Variants in CREBBP observed in about 807,000 individuals in gnomAD.
CREBBP encodes CREB-binding protein.
In CREBBP, 19 loss-of-function variants were observed where a neutral mutation model predicts 265.0. The observed-to-expected ratio is 0.07, with a 90% CI of 0.05 to 0.11. The LOEUF is 0.11. CREBBP is among the 10% of genes least tolerant of loss of function. The pLI is 1.00. For missense variants in CREBBP, 2,525 were observed against 3,219.0 expected (o/e 0.78, Z 5.22); for synonymous variants, 1,457 against 1,223.7 (o/e 1.19, Z -3.98).
chr16:3,732,592 G>A (rs2051946109), intron 28 of CREBBP, among the ~76,000 whole-genome samples: 1 of 152,058 alleles, frequency 6.6e-6, no homozygotes, highest in Non-Finnish European at 1.5e-5. Context: ...ACGGAGTTTT[G>A]CTCTTGTTGC....
At chr16:3,833,331 G>A (rs537930709) in intron 2 of CREBBP, among the ~76,000 whole-genome samples, 51 of 152,358 alleles carry the variant, frequency 3.3e-4, no homozygotes, top group Middle Eastern at 6.8e-3. Flanking sequence ...AGAATCGCTT[G>A]AGCCCCAGAG....
chr16:3,784,725 A>G (rs949166977), intron 5 of CREBBP, among the ~76,000 whole-genome samples: 8 of 152,292 alleles, frequency 5.3e-5, no homozygotes, highest in Non-Finnish European at 2.9e-5. Context: ...ACTTCTTCCT[A>G]CTACATTTCT....
At chr16:3,819,456 T>C (rs2054101636) in intron 2 of CREBBP, among the ~76,000 whole-genome samples, 1 of 152,234 alleles carries the variant, frequency 6.6e-6, no homozygotes, top group Non-Finnish European at 1.5e-5. Flanking sequence ...ATTTCTTTCC[T>C]GACCATGCTT....
rs573110713 is a variant in CREBBP, at chr16:3,745,563, C to T, written c.3837-209G>A. The T allele has an allele frequency of 1.2e-5, 7 of 592,934 alleles. No homozygotes were observed. The East Asian group carries it at 1.7e-4, about 15-fold the overall frequency. 36.7% of individuals were successfully genotyped at this position (592,934 alleles called of 1,614,324 possible). A position where few individuals can be genotyped will look rare whatever the true frequency, so the allele number is the denominator to read the frequency against. ...AAAAAGCTTTCTTCTTTTGTTTGTA[C>T]AAGCGCTTCATTCCTCTTTTCTCCC... is the stretch of plus-strand genomic sequence containing the variant. On this transcript the variant is annotated intron_variant, in intron 21 of 30. Coordinates refer to ENST00000262367, the MANE Select transcript of CREBBP (RefSeq NM_004380.3).
At chr16:3,858,992 T>G (rs1390045667) in intron 1 of CREBBP, among the ~76,000 whole-genome samples, 1 of 152,212 alleles carries the variant, frequency 6.6e-6, no homozygotes, top group East Asian at 1.9e-4. Context: ...ATATTTTCTC[T>G]TCCTCACCCA....
At chr16:3,771,109 C>T (rs1042513145) in intron 13 of CREBBP, 123 bp from the exon 14 acceptor site, 4 of 1,043,726 alleles carry the variant, frequency 3.8e-6, no homozygotes, top group African/African-American at 1.6e-5. Flanking sequence ...ACTCTTGTCG[C>T]CCAGGCTGCA....
chr16:3,750,766 A>G (rs2052454292), intron 20 of CREBBP, among the ~76,000 whole-genome samples: 1 of 152,236 alleles, frequency 6.6e-6, no homozygotes, highest in Non-Finnish European at 1.5e-5. Flanking sequence ...CTTTAGGCCA[A>G]AAAATGGGGT....
chr16:3,774,496 G>A (rs1193950908), intron 12 of CREBBP, 73 bp downstream of exon 12: 10 of 1,599,204 alleles, frequency 6.3e-6, no homozygotes, highest in East Asian at 2.2e-5. Context: ...CAAGTGACAT[G>A]AATTCTGCTG....
chr16:3,811,486 G>A (rs943080336), intron 2 of CREBBP, among the ~76,000 whole-genome samples: 1 of 152,014 alleles, frequency 6.6e-6, no homozygotes, highest in Non-Finnish European at 1.5e-5. Context: ...TTTTCCTTAT[G>A]GTTTTATTTA....
rs561418138 is a variant in CREBBP at position 3,748,364 on chromosome 16, A to G, written c.3836+1263T>C. On this transcript the variant is annotated intron_variant, in intron 21 of 30. Coordinates refer to ENST00000262367, the MANE Select transcript of CREBBP (RefSeq NM_004380.3). ...GAGAGAAAGACACAATGTGAAAAGA[A>G]AGGTGGAAAGTCAGGAAAAACAATC... is the stretch of plus-strand genomic sequence containing the variant. 2.0e-5 allele frequency among the ~76,000 whole-genome samples: 3 copies of G among 152,342 alleles called. No individual in the cohort carries two copies. The South Asian group carries it at 6.2e-4, about 32-fold the overall frequency.
chr16:3,791,905 T>C (rs951080084), intron 5 of CREBBP, 76 bp downstream of exon 5: 15 of 1,283,642 alleles, frequency 1.2e-5, no homozygotes, highest in Non-Finnish European at 1.6e-5. Context: ...GCCCACTCCC[T>C]ACCTACTCTC....
At chr16:3,799,978 G>C (rs1001183210) in intron 3 of CREBBP, among the ~76,000 whole-genome samples, 1 of 152,134 alleles carries the variant, frequency 6.6e-6, no homozygotes, top group Admixed American at 6.5e-5. Context: ...AGACGAATCA[G>C]TAAGAAAATG....
intron 1 of CREBBP, among the ~76,000 whole-genome samples, chr16:3,853,881 G>C (rs2054905726): frequency 6.6e-6 from 1 of 152,060 alleles, no homozygotes; most frequent in South Asian, 2.1e-4. Context: ...AAGTTGCAGT[G>C]AACTGAGATA....
chr16:3,830,424 GA>G (rs879602988), intron 2 of CREBBP, among the ~76,000 whole-genome samples: 1 of 146,626 alleles, frequency 6.8e-6, no homozygotes, highest in Non-Finnish European at 1.5e-5. Context: ...CAAAAAGAGT[GA>G]AAAAAAAATG....
intron 28 of CREBBP, among the ~76,000 whole-genome samples, chr16:3,734,014 A>T (rs1432470193): frequency 1.3e-5 from 2 of 152,338 alleles, no homozygotes; most frequent in East Asian, 3.9e-4. Context: ...AAGTAATTTT[A>T]AAAAGTTTTG....
At chr16:3,804,930 T>G (rs553562456) in intron 3 of CREBBP, among the ~76,000 whole-genome samples, 90 of 152,364 alleles carry the variant, frequency 5.9e-4, no homozygotes, top group African/African-American at 2.0e-3. Context: ...TACTGGAAAG[T>G]AAGTTAAATG....
intron 11 of CREBBP, 127 bp from the exon 12 acceptor site, chr16:3,774,820 C>T: frequency 8.2e-7 from 1 of 1,220,566 alleles, no homozygotes; most frequent in South Asian, 1.3e-5. Context: ...GAAAAGAAAT[C>T]ACCCAATTAA....
chr16:3,790,366 C>CTTTTTTTTTTTTTTTTTTT (rs57582399), intron 5 of CREBBP, among the ~76,000 whole-genome samples: 1 of 66,588 alleles, frequency 1.5e-5, no homozygotes, highest in African/African-American at 5.9e-5. Flanking sequence ...AGGAAACTGG[C>CTTTTTTTTTTTTTTTTTTT]TTTTTTTTTT....
rs749048317 is a variant in CREBBP, at chr16:3,731,925, C to T, written c.4741G>A (p.Asp1581Asn). The T allele has an allele frequency of 5.0e-6, 8 of 1,614,230 alleles. No homozygotes were observed. Among genetic ancestry groups the T allele is most frequent in the Non-Finnish European group, 5.1e-6 (6 of 1,180,050 alleles). ...TTCTTCTTCTTGGCATTCTTGCTGT[C>T]GCCCTGACTGCCCTGCAACAACACG... ...ASETTEGSQGDSKNAKKKNNK... is the reference protein window; with the variant it reads ...ASETTEGSQGNSKNAKKKNNK... The change falls in exon 29 of 31, where the codon GAC (aspartate) becomes AAC (asparagine). Residue 1581 changes from aspartate to asparagine, a missense_variant. Transcript: ENST00000262367. This position sits in a 1 kb window ranked among gnomAD's most constrained non-coding sequence, Gnocchi z 7.7.
Sources: allele counts gnomAD v4.1 joint callset (sites outside exome capture counted in the v4.1 genomes callset), GRCh38; gene constraint gnomAD v4.1.1; non-coding constraint Gnocchi (gnomAD v3.1); transcripts MANE v1.5; gene names NCBI Gene and HGNC (gene_info 2026-07-23, HGNC 2026-07-21).